Variants in PTPN11 observed in about 807,000 individuals in gnomAD.
The protein encoded by PTPN11 is tyrosine-protein phosphatase non-receptor type 11.
Under a neutral mutation model 78.8 loss-of-function variants are expected in PTPN11, and 6 were observed. The ratio of observed to expected loss-of-function variants is 0.08; its 90% CI spans 0.04 to 0.15. The LOEUF (loss-of-function observed/expected upper bound fraction) is 0.15. PTPN11 is among the 10% of genes least tolerant of loss of function. The pLI, the probability that PTPN11 is intolerant of heterozygous loss-of-function variation, is 1.00. For synonymous variants in PTPN11, 221 were observed against 263.5 expected (o/e 0.84, Z 1.56); for missense variants, 386 against 744.8 (o/e 0.52, Z 5.61).
Position 112,504,771 on chromosome 12 carries a change from C to T in PTPN11, c.*7C>T. 1 of 1,560,440 alleles carries T rather than the reference C, an allele frequency of 6.4e-7. No individual in the cohort carries two copies. On this transcript the variant is annotated 3_prime_UTR_variant, in exon 15 of 16. Transcript: ENST00000351677. This position sits in a 1 kb window ranked among gnomAD's most constrained non-coding sequence, Gnocchi z 4.7. ...GCAGAAAAGTTTCAGATGAGAAAAC[C>T]TGCCAAAACTTCAGCACAGAAATAG...
At chr12:112,438,465 A>G (rs1398141967) in intron 1 of PTPN11, among the ~76,000 whole-genome samples, 1 of 151,520 alleles carries the variant, frequency 6.6e-6, no homozygotes, top group Non-Finnish European at 1.5e-5. Context: ...CTGGGACTAC[A>G]GGAGCACACC....
At chr12:112,447,017 C>A (rs934328160) in intron 2 of PTPN11, among the ~76,000 whole-genome samples, 1 of 152,072 alleles carries the variant, frequency 6.6e-6, no homozygotes, top group Non-Finnish European at 1.5e-5. Flanking sequence ...AGGCTTGTGC[C>A]ACCATGCTCA....
chr12:112,454,783 C>A, intron 5 of PTPN11, 103 bp downstream of exon 5: 1 of 785,880 alleles, frequency 1.3e-6, no homozygotes, highest in African/African-American at 1.7e-5. Context: ...GTATCATCAG[C>A]CTCCATGTAC....
chr12:112,490,393 A>G lies in PTPN11; in HGVS notation c.1599+1218A>G, dbSNP rs182994229. ...GTAATCATGGCTCACTGCAGCCTCA[A>G]TCTCCCAGGCTTAAGCGATCCTCCC... On this transcript the variant is annotated intron_variant, in intron 13 of 15. Coordinates refer to ENST00000351677, the MANE Select transcript of PTPN11 (RefSeq NM_002834.5). 3.8e-3 allele frequency among the ~76,000 whole-genome samples: 575 copies of G among 150,650 alleles called. 27 individuals are homozygous for G. The highest frequency in any genetic ancestry group is 0.033 in the Admixed American group (494 of 15,046).
chr12:112,446,804 T>C (rs1289556894), intron 2 of PTPN11, among the ~76,000 whole-genome samples: 1 of 152,146 alleles, frequency 6.6e-6, no homozygotes, highest in East Asian at 1.9e-4. Context: ...CTTGAACTTC[T>C]GGCCTCAAGC....
chr12:112,495,898 A>G lies in PTPN11; in HGVS notation c.1600-6246A>G, dbSNP rs117115501. 2.2e-4 allele frequency among the ~76,000 whole-genome samples: 33 copies of G among 152,286 alleles called. No individual in the cohort carries two copies. In the East Asian group the frequency reaches 6.0e-3, roughly 28 times the overall value. On this transcript the variant is annotated intron_variant, in intron 13 of 15. Coordinates refer to ENST00000351677, the MANE Select transcript of PTPN11 (RefSeq NM_002834.5). ...GCACCATCATAAAATCAAAAAAACC[A>G]TAAGGCAAACCATCATGAAGTTGGG...
rs184743462 is a variant in PTPN11 at position 112,486,649 on chromosome 12, C to T, written c.1379+20C>T. 7.5e-4 allele frequency: 1,202 copies of T among 1,611,546 alleles called. 11 individuals carry two copies. The East Asian group carries it at 0.015, about 20-fold the overall frequency. The stretch of plus-strand genomic sequence containing the variant: ...CTGCAGGTGACAGCTCCTGCTGCCC[C>T]TCTAGGCCACAGCCTGTCCCTGTCT... On this transcript the variant is annotated intron_variant, in intron 11 of 15. Coordinates refer to ENST00000351677, the MANE Select transcript of PTPN11 (RefSeq NM_002834.5).
chr12:112,439,280 T>TA (rs2037844091), intron 1 of PTPN11, among the ~76,000 whole-genome samples: 2 of 152,110 alleles, frequency 1.3e-5, no homozygotes, highest in African/African-American at 4.8e-5. Flanking sequence ...TTAAACTTTT[T>TA]AAAAAATTTA....
At chr12:112,472,250 G>T (rs975881180) in intron 6 of PTPN11, among the ~76,000 whole-genome samples, 1 of 152,168 alleles carries the variant, frequency 6.6e-6, no homozygotes, top group African/African-American at 2.4e-5. Flanking sequence ...AGCCTCTGGA[G>T]TAGCTGGGAC....
intron 6 of PTPN11, among the ~76,000 whole-genome samples, chr12:112,465,015 G>T (rs1329428998): frequency 6.6e-6 from 1 of 152,216 alleles, no homozygotes; most frequent in African/African-American, 2.4e-5. Flanking sequence ...AAATGAGAAT[G>T]ACACTAACTA....
At chr12:112,474,991 A>G (rs2038476954) in intron 7 of PTPN11, among the ~76,000 whole-genome samples, 1 of 152,206 alleles carries the variant, frequency 6.6e-6, no homozygotes. Context: ...GGAGGGAAAA[A>G]GGCCTGGCAG....
At chr12:112,483,893 G>A (rs1801797534) in intron 10 of PTPN11, among the ~76,000 whole-genome samples, 1 of 152,232 alleles carries the variant, frequency 6.6e-6, no homozygotes, top group Admixed American at 6.5e-5. Context: ...GAAGCTGGGA[G>A]GATCAAGGAC....
intron 1 of PTPN11, among the ~76,000 whole-genome samples, chr12:112,439,923 G>C (rs891404857): frequency 2.6e-5 from 4 of 151,888 alleles, no homozygotes; most frequent in African/African-American, 4.8e-5. Flanking sequence ...ATGCCACTCA[G>C]TTTCCAGTTG....
At position 112,425,755 on chromosome 12, in the gene PTPN11, G is replaced by A. The variant is rs11066291; in HGVS notation, c.14+6630G>A. Among the ~76,000 whole-genome samples, 8,574 of 151,954 alleles carry A rather than the reference G, an allele frequency of 0.056. 1,297 individuals carry two copies. In the East Asian group the frequency reaches 0.61, roughly 11 times the overall value. ...CACCCCTCTCTTTTTTTGAGACAAG[G>A]TCTCACTCTGTCACCCAGGCTGGAG... On this transcript the variant is annotated intron_variant, in intron 1 of 15. Transcript: ENST00000351677.
chr12:112,429,911 G>A (rs555281841), intron 1 of PTPN11, among the ~76,000 whole-genome samples: 2 of 152,314 alleles, frequency 1.3e-5, no homozygotes, highest in South Asian at 4.1e-4. Flanking sequence ...ATGTAATGGT[G>A]AAAAGTTTGA....
intron 1 of PTPN11, among the ~76,000 whole-genome samples, chr12:112,424,434 A>G (rs1347075714): frequency 6.6e-6 from 1 of 152,184 alleles, no homozygotes; most frequent in African/African-American, 2.4e-5. Flanking sequence ...GAGTGGCATG[A>G]GCTGATCTAT....
chr12:112,486,959 T>C lies in PTPN11; in HGVS notation c.1379+330T>C. 7 of 1,285,650 alleles carry C rather than the reference T, an allele frequency of 5.4e-6. No individual in the cohort carries two copies. In the South Asian group the frequency reaches 1.2e-4, roughly 22 times the overall value. 79.6% of individuals were successfully genotyped at this position (1,285,650 alleles called of 1,614,324 possible). A position where few individuals can be genotyped will look rare whatever the true frequency, so the allele number is the denominator to read the frequency against. ...TCTCCTTATTCTTCATGATGTTTGC[T>C]TTGTAGCTGTTGACTGCTTTGTAGG... On this transcript the variant is annotated intron_variant, in intron 11 of 15. Coordinates refer to ENST00000351677, the MANE Select transcript of PTPN11 (RefSeq NM_002834.5).
At chr12:112,450,251 A>G in intron 2 of PTPN11, 67 bp from the exon 3 acceptor site, 1 of 1,408,080 alleles carries the variant, frequency 7.1e-7, no homozygotes, top group East Asian at 2.3e-5. Context: ...GTGGAAGATG[A>G]GATCTGATTT....
chr12:112,455,451 T>G (rs1343876306), intron 5 of PTPN11, among the ~76,000 whole-genome samples: 1 of 152,148 alleles, frequency 6.6e-6, no homozygotes, highest in Admixed American at 6.6e-5. Context: ...GCCAGGCTGG[T>G]CTTGAACTCC....
Sources: gnomAD v4.1 joint callset for allele counts (sites outside exome capture counted in the v4.1 genomes callset) on GRCh38, gnomAD v4.1.1 for gene constraint, Gnocchi (gnomAD v3.1) non-coding constraint, MANE v1.5 for transcripts, NCBI Gene and HGNC (gene_info 2026-07-23, HGNC 2026-07-21) for gene names.